NSRP1: variants seen among roughly 807,000 people sequenced by gnomAD.
The protein encoded by NSRP1 is coiled-coil domain containing 55.
In NSRP1, 24 loss-of-function variants were observed where a neutral mutation model predicts 54.7. That is an observed-to-expected ratio of 0.44 (90% CI 0.32 to 0.62). NSRP1 has a LOEUF of 0.62. NSRP1 is among the 20% of genes least tolerant of loss of function. The pLI, the probability that NSRP1 is intolerant of heterozygous loss-of-function variation, is 0.06. For synonymous variants in NSRP1, 210 were observed against 213.8 expected (o/e 0.98, Z 0.15); for missense variants, 596 against 651.2 (o/e 0.92, Z 0.92).
At position 30,143,771 on chromosome 17, in the gene NSRP1, C is replaced by T. The variant is rs1038630856; in HGVS notation, c.114+25598C>T. 7.9e-5 allele frequency among the ~76,000 whole-genome samples: 12 copies of T among 151,904 alleles called. No individual in the cohort carries two copies. The South Asian group carries it at 1.5e-3, about 18-fold the overall frequency. ...AAAGCTTATTAAATATTTGCATTTC[C>T]GATAGCACAGTAGGGTGACTAGTCA... On this transcript the variant is annotated intron_variant, in intron 2 of 6. Transcript: ENST00000247026.
chr17:30,157,710 AT>A lies in NSRP1; in HGVS notation c.115-14831del, dbSNP rs562972315. On this transcript the variant is annotated intron_variant, in intron 2 of 6. Coordinates refer to ENST00000247026, the MANE Select transcript of NSRP1 (RefSeq NM_032141.4). ...TCTGTTATCTATTGTTCTATACTCT[AT>A]GTCCATGAGATCAAGTTTTTTAGCT... 8.8e-4 allele frequency among the ~76,000 whole-genome samples: 133 copies of A among 151,956 alleles called. No individual in the cohort carries two copies. In the Middle Eastern group the frequency reaches 0.014, roughly 16 times the overall value.
At chr17:30,123,404 C>A (rs1240155103) in intron 2 of NSRP1, among the ~76,000 whole-genome samples, 1 of 152,226 alleles carries the variant, frequency 6.6e-6, no homozygotes, top group African/African-American at 2.4e-5. Context: ...GCATGAGCCA[C>A]CGTGCCCGGC....
intron 6 of NSRP1, among the ~76,000 whole-genome samples, chr17:30,181,616 T>G (rs1825880): frequency 0.38 from 56,029 of 146,462 alleles, 12,886 homozygotes; most frequent in East Asian, 0.81. Context: ...TTTTGTTTTT[T>G]TTTTTTTTAG....
chr17:30,134,387 G>A (rs1279297045), intron 2 of NSRP1, among the ~76,000 whole-genome samples: 1 of 152,154 alleles, frequency 6.6e-6, no homozygotes. Flanking sequence ...TGGAAAAATG[G>A]CACTGATAGA....
intron 2 of NSRP1, among the ~76,000 whole-genome samples, chr17:30,120,382 A>T (rs1343390777): frequency 1.3e-5 from 2 of 152,224 alleles, no homozygotes; most frequent in Non-Finnish European, 2.9e-5. Flanking sequence ...GAATATTTTC[A>T]AATGGAATAT....
At chr17:30,131,117 A>G (rs1371911951) in intron 2 of NSRP1, among the ~76,000 whole-genome samples, 1 of 152,208 alleles carries the variant, frequency 6.6e-6, no homozygotes, top group Non-Finnish European at 1.5e-5. Context: ...ATTTAGGGAA[A>G]TTACTCAGTC....
chr17:30,130,287 C>CA (rs2071688214), intron 2 of NSRP1, among the ~76,000 whole-genome samples: 1 of 151,862 alleles, frequency 6.6e-6, no homozygotes, highest in Admixed American at 6.6e-5. Context: ...TTTGTTGAGA[C>CA]AGAGTCTCAC....
chr17:30,183,158 G>A (rs1905373877), intron 6 of NSRP1, among the ~76,000 whole-genome samples: 1 of 151,714 alleles, frequency 6.6e-6, no homozygotes, highest in Non-Finnish European at 1.5e-5. Flanking sequence ...AGGTATTATA[G>A]GAATGGTGAG....
intron 2 of NSRP1, among the ~76,000 whole-genome samples, chr17:30,137,092 G>A (rs2071757211): frequency 6.6e-6 from 1 of 152,012 alleles, no homozygotes; most frequent in South Asian, 2.1e-4. Context: ...GAAATATAGT[G>A]GTAATAGCAG....
intron 2 of NSRP1, among the ~76,000 whole-genome samples, chr17:30,168,590 A>G (rs991892238): frequency 6.8e-6 from 1 of 147,712 alleles, no homozygotes; most frequent in East Asian, 1.9e-4. Flanking sequence ...AATAATAATA[A>G]TAGTAATAAT....
At chr17:30,163,249 T>TGTGTGTGTGTGTG (rs1567801752) in intron 2 of NSRP1, 2 of 113,740 alleles carry the variant, frequency 1.8e-5, no homozygotes, top group African/African-American at 8.4e-5. Context: ...GTGTGTGTGT[T>TGTGTGTGTGTGTG]TTTAGTAGAG....
chr17:30,116,873 C>G lies in NSRP1; in HGVS notation c.20+10C>G. 3 of 1,572,052 alleles carry G rather than the reference C, an allele frequency of 1.9e-6. No individual in the cohort carries two copies. Among genetic ancestry groups the G allele is most frequent in the Admixed American group, 1.9e-5 (1 of 53,344 alleles). ...CGATTCCGGGCAGGCAGTGAGTGAT[C>G]CGGGAGTTAGGGTCAGGCTGGGGGA... On this transcript the variant is annotated intron_variant, in intron 1 of 6. Coordinates refer to ENST00000247026, the MANE Select transcript of NSRP1 (RefSeq NM_032141.4).
rs370966796 is a variant in NSRP1 at position 30,184,644 on chromosome 17, G to C, written c.647G>C (p.Gly216Ala). The change falls in exon 7 of 7, where the codon GGC becomes GCC. Residue 216 changes from glycine to alanine, a missense_variant. Physicochemically the swap from Gly to Ala is moderately conservative, Grantham distance 60. Coordinates refer to ENST00000247026, the MANE Select transcript of NSRP1 (RefSeq NM_032141.4). ...GGTATAAAGGAAGAAAAATCAAGGG[G>C]CTTCTCCAATGAAGTAAGTTCAAAA... ...RSGIKEEKSRGFSNEVSSKNR... is the reference protein window; with the variant it reads ...RSGIKEEKSRAFSNEVSSKNR... 6.3e-7 allele frequency: 1 copy of C among 1,577,906 alleles called. No homozygotes were observed. The highest frequency in any genetic ancestry group is 8.6e-7 in the Non-Finnish European group (1 of 1,163,060).
At chr17:30,137,142 A>G (rs1177869111) in intron 2 of NSRP1, among the ~76,000 whole-genome samples, 1 of 152,200 alleles carries the variant, frequency 6.6e-6, no homozygotes, top group Admixed American at 6.5e-5. Context: ...AGATATTTCT[A>G]ATGTTTCATC....
At chr17:30,165,549 C>T (rs747663553) in intron 2 of NSRP1, among the ~76,000 whole-genome samples, 9 of 152,222 alleles carry the variant, frequency 5.9e-5, no homozygotes, top group Non-Finnish European at 1.2e-4. Context: ...AACGTCTGTT[C>T]ATTTGGTGTG....
chr17:30,133,549 A>G lies in NSRP1; in HGVS notation c.114+15376A>G, dbSNP rs571906323. On this transcript the variant is annotated intron_variant, in intron 2 of 6. Coordinates refer to ENST00000247026, the MANE Select transcript of NSRP1 (RefSeq NM_032141.4). ...GAGCACAGGCAAGTAGATTTAGCAT[A>G]ATTTTTAAGGGCCCTAGCATTTTTC... 5.8e-4 allele frequency among the ~76,000 whole-genome samples: 88 copies of G among 152,290 alleles called. 1 individual carries two copies. The highest frequency in any genetic ancestry group is 2.0e-3 in the African/African-American group (84 of 41,560).
intron 2 of NSRP1, among the ~76,000 whole-genome samples, chr17:30,123,952 A>G (rs934105171): frequency 6.6e-6 from 1 of 152,166 alleles, no homozygotes; most frequent in Non-Finnish European, 1.5e-5. Context: ...TGCATTTCAC[A>G]TTAAAGCACC....
intron 2 of NSRP1, among the ~76,000 whole-genome samples, chr17:30,164,551 C>T (rs1296253965): frequency 6.6e-6 from 1 of 152,134 alleles, no homozygotes; most frequent in Non-Finnish European, 1.5e-5. Flanking sequence ...AATCCCAGCA[C>T]TTTAGGAGGC....
chr17:30,185,599 A>G lies in NSRP1; in HGVS notation c.1602A>G (p.Ser534=). 6.2e-7 allele frequency: 1 copy of G among 1,614,002 alleles called. No individual in the cohort carries two copies. Among genetic ancestry groups the G allele is most frequent in the Admixed American group, 1.7e-5 (1 of 59,952 alleles). ...AKRNNEETVM[S]ARDRYLARQM... Reference sequence around the variant, plus strand: ...GGAACAATGAAGAAACTGTAATGTCAGCTAGAGACAGGTACTTGGCCAGGC... The same window carrying G: ...GGAACAATGAAGAAACTGTAATGTCGGCTAGAGACAGGTACTTGGCCAGGC... Residue 534 remains serine (S), a synonymous_variant, in exon 7 of 7, where the codon TCA becomes TCG. Transcript: ENST00000247026.
Sources: allele counts gnomAD v4.1 joint callset (sites outside exome capture counted in the v4.1 genomes callset), GRCh38; gene constraint gnomAD v4.1.1; transcripts MANE v1.5; gene names NCBI Gene and HGNC (gene_info 2026-07-23, HGNC 2026-07-21).